Variants in CHRNA7 observed in about 807,000 individuals in gnomAD.
CHRNA7 encodes the protein cholinergic receptor nicotinic alpha 7 subunit.
Under a neutral mutation model 48.0 loss-of-function variants are expected in CHRNA7, and 17 were observed. The observed-to-expected ratio is 0.35, with a 90% CI of 0.24 to 0.53. The LOEUF (loss-of-function observed/expected upper bound fraction) is 0.53. Ranked by LOEUF, CHRNA7 falls within the 20% of genes least tolerant of loss-of-function variation. The pLI, the probability that CHRNA7 is intolerant of heterozygous loss-of-function variation, is 0.92. For missense variants in CHRNA7, 155 were observed against 577.7 expected (o/e 0.27, Z 7.50); for synonymous variants, 75 against 242.3 (o/e 0.31, Z 6.41).
chr15:32,129,440 T>G (rs545068234), intron 4 of CHRNA7, among the ~76,000 whole-genome samples: 1 of 152,078 alleles, frequency 6.6e-6, no homozygotes, highest in South Asian at 2.1e-4. Flanking sequence ...TTTAATTGTT[T>G]TAGGGATCTT....
rs199819119 is a variant in CHRNA7 at position 32,030,927 on chromosome 15, C to G, written c.85C>G (p.Leu29Val). The change falls in exon 2 of 10, where the codon CTT becomes GTT. Residue 29 changes from leucine (L) to valine (V), a missense_variant. Coordinates refer to ENST00000306901, the MANE Select transcript of CHRNA7 (RefSeq NM_000746.6). ...CCTGCAAGGCGAGTTCCAGAGGAAG[C>G]TTTACAAGGAGCTGGTCAAGAACTA... ...VSLQGEFQRK[L>V]YKELVKNYNP... 6 of 1,614,042 alleles carry G rather than the reference C, an allele frequency of 3.7e-6. No individual in the cohort carries two copies. The highest frequency in any genetic ancestry group is 5.1e-6 in the Non-Finnish European group (6 of 1,180,012).
chr15:32,031,872 G>A (rs1451895882), intron 2 of CHRNA7, among the ~76,000 whole-genome samples: 1 of 152,136 alleles, frequency 6.6e-6, no homozygotes, highest in Admixed American at 6.5e-5. Context: ...ACGGAGTATC[G>A]GATTCTATTG....
intron 2 of CHRNA7, among the ~76,000 whole-genome samples, chr15:32,055,481 G>A (rs1340912347): frequency 1.3e-5 from 2 of 152,184 alleles, no homozygotes; most frequent in African/African-American, 4.8e-5. Flanking sequence ...CATGGCAGAA[G>A]GGCAAAGAGT....
chr15:32,102,908 T>A (rs983236896), intron 3 of CHRNA7: 18 of 152,244 alleles, frequency 1.2e-4, no homozygotes, highest in Admixed American at 3.3e-4. Flanking sequence ...TAGTTTCTCC[T>A]TCAATTTTGT....
intron 2 of CHRNA7, among the ~76,000 whole-genome samples, chr15:32,092,894 G>A (rs1170713082): frequency 6.6e-6 from 1 of 152,140 alleles, no homozygotes; most frequent in East Asian, 1.9e-4. Context: ...CAATTGTGAT[G>A]AGATTTGTTG....
intron 4 of CHRNA7, among the ~76,000 whole-genome samples, chr15:32,152,582 C>T (rs769041748): frequency 2.6e-5 from 4 of 152,178 alleles, no homozygotes; most frequent in Admixed American, 6.5e-5. Context: ...GAGCAGGGCA[C>T]GCAGGCTTAG....
intron 4 of CHRNA7, chr15:32,112,407 C>T (rs1200012939): frequency 2.2e-6 from 1 of 456,138 alleles, no homozygotes; most frequent in East Asian, 7.0e-5. Context: ...CAGAAACTTC[C>T]CCTGCAGGGT....
intron 4 of CHRNA7, among the ~76,000 whole-genome samples, chr15:32,151,026 TC>T (rs992960084): frequency 6.6e-6 from 1 of 151,954 alleles, no homozygotes; most frequent in African/African-American, 2.4e-5. Context: ...TCCCCCTTTT[TC>T]CCCCTTATCC....
Position 32,031,018 on chromosome 15 carries a change from TC to T in CHRNA7, c.178del (p.Leu60CysfsTer13). 6.2e-7 allele frequency: 1 copy of T among 1,614,166 alleles called. No homozygotes were observed. Among genetic ancestry groups the T allele is most frequent in the African/African-American group, 1.3e-5 (1 of 75,064 alleles). Reference sequence around the variant, plus strand: ...CTCACCGTCTACTTCTCCCTGAGCCTCCTGCAGATCATGGACGTGGTGAGTC... The same window carrying T: ...CTCACCGTCTACTTCTCCCTGAGCCTCTGCAGATCATGGACGTGGTGAGTC... Reference protein sequence around the residue: ...QPLTVYFSLSLLQIMDVDEKN... With the variant: ...QPLTVYFSLSXLQIMDVDEKN... On this transcript the variant is annotated frameshift_variant, in exon 2 of 10. Coordinates refer to ENST00000306901, the MANE Select transcript of CHRNA7 (RefSeq NM_000746.6). LOFTEE classifies it high-confidence loss of function.
At chr15:32,068,554 A>G (rs918796871) in intron 2 of CHRNA7, among the ~76,000 whole-genome samples, 2 of 152,132 alleles carry the variant, frequency 1.3e-5, no homozygotes, top group African/African-American at 4.8e-5. Flanking sequence ...ATCAGACAAA[A>G]TAGACTTCAA....
chr15:32,048,359 G>A (rs1210464641), intron 2 of CHRNA7, among the ~76,000 whole-genome samples: 1 of 152,160 alleles, frequency 6.6e-6, no homozygotes, highest in Admixed American at 6.5e-5. Context: ...CCTGTTACTG[G>A]TCTATTCAGA....
chr15:32,124,823 C>G (rs949975047), intron 4 of CHRNA7, among the ~76,000 whole-genome samples: 8 of 152,270 alleles, frequency 5.3e-5, no homozygotes, highest in African/African-American at 1.9e-4. Context: ...GATTAGTGTC[C>G]TTATAAGAAG....
At chr15:32,153,039 CCTT>C (rs140980020) in intron 4 of CHRNA7, among the ~76,000 whole-genome samples, 13,167 of 152,170 alleles carry the variant, frequency 0.087, 619 homozygotes, top group African/African-American at 0.12. Context: ...CCCTCACTCT[CCTT>C]CTTTTCATCG....
chr15:32,068,858 G>A (rs1046314275), intron 2 of CHRNA7, among the ~76,000 whole-genome samples: 6 of 150,890 alleles, frequency 4.0e-5, no homozygotes, highest in African/African-American at 1.2e-4. Context: ...AATACATGAA[G>A]CAAAAAGAGA....
intron 4 of CHRNA7, chr15:32,153,466 G>A (rs1258509879): frequency 5.1e-4 from 88 of 174,110 alleles, no homozygotes; most frequent in African/African-American, 2.1e-3. Context: ...CAAACCAAGT[G>A]TGGGTCCGCT....
At chr15:32,073,017 G>A (rs2050082425) in intron 2 of CHRNA7, among the ~76,000 whole-genome samples, 1 of 152,166 alleles carries the variant, frequency 6.6e-6, no homozygotes, top group South Asian at 2.1e-4. Flanking sequence ...TAGGAAGGGG[G>A]CAACCATCCG....
At chr15:32,095,038 A>G (rs901213270) in intron 2 of CHRNA7, among the ~76,000 whole-genome samples, 1 of 152,248 alleles carries the variant, frequency 6.6e-6, no homozygotes, top group African/African-American at 2.4e-5. Flanking sequence ...TTTTACAAAT[A>G]AGGGAACTGA....
chr15:32,051,967 G>C (rs1309264013), intron 2 of CHRNA7, among the ~76,000 whole-genome samples: 1 of 152,180 alleles, frequency 6.6e-6, no homozygotes, highest in South Asian at 2.1e-4. Flanking sequence ...ATGAGCCACT[G>C]CACCTGGCCC....
chr15:32,131,458 A>G (rs2051156111), intron 4 of CHRNA7, among the ~76,000 whole-genome samples: 1 of 151,862 alleles, frequency 6.6e-6, no homozygotes, highest in African/African-American at 2.4e-5. Flanking sequence ...TCTCCACTCT[A>G]CTATTGAGCC....
Sources: allele counts gnomAD v4.1 joint callset (sites outside exome capture counted in the v4.1 genomes callset), GRCh38; gene constraint gnomAD v4.1.1; transcripts MANE v1.5; gene names NCBI Gene and HGNC (gene_info 2026-07-23, HGNC 2026-07-21).